CPNE5: variants seen among roughly 807,000 people sequenced by gnomAD.
CPNE5 encodes the protein copine-5.
A neutral mutation model predicts 81.1 loss-of-function variants in CPNE5; 42 were observed. The ratio of observed to expected loss-of-function variants is 0.52; its 90% CI spans 0.40 to 0.67. The LOEUF is 0.67. Ranked by LOEUF, CPNE5 falls within the 30% of genes least tolerant of loss-of-function variation. The pLI is 0.00. For synonymous variants in CPNE5, 313 were observed against 321.5 expected (o/e 0.97, Z 0.28); for missense variants, 612 against 815.5 (o/e 0.75, Z 3.04).
chr6:36,788,502 G>A (rs927596466), intron 8 of CPNE5, among the ~76,000 whole-genome samples: 6 of 152,034 alleles, frequency 3.9e-5, no homozygotes, highest in African/African-American at 1.2e-4. Context: ...GCAATCTTAG[G>A]CAGACCACTA....
At chr6:36,765,919 A>C (rs1766526492) in intron 10 of CPNE5, among the ~76,000 whole-genome samples, 1 of 152,110 alleles carries the variant, frequency 6.6e-6, no homozygotes, top group African/African-American at 2.4e-5. Flanking sequence ...CTCCTGAGTG[A>C]GGGTGTAATT....
At chr6:36,788,365 G>A (rs1768779286) in intron 8 of CPNE5, among the ~76,000 whole-genome samples, 1 of 152,120 alleles carries the variant, frequency 6.6e-6, no homozygotes, top group African/African-American at 2.4e-5. Flanking sequence ...CACCCTGCCT[G>A]CTGAGGGCAG....
chr6:36,772,735 A>G (rs551276534), intron 10 of CPNE5, among the ~76,000 whole-genome samples: 1 of 152,362 alleles, frequency 6.6e-6, no homozygotes, highest in Admixed American at 6.5e-5. Context: ...TCGGAGTGTA[A>G]CAGGGGTGCC....
At chr6:36,751,507 G>A (rs1764819172) in intron 14 of CPNE5, among the ~76,000 whole-genome samples, 1 of 152,176 alleles carries the variant, frequency 6.6e-6, no homozygotes, top group African/African-American at 2.4e-5. Context: ...TAAATAGGAT[G>A]GACTGGGTGT....
At chr6:36,764,957 T>C (rs1766418165) in intron 11 of CPNE5, among the ~76,000 whole-genome samples, 1 of 117,118 alleles carries the variant, frequency 8.5e-6, no homozygotes, top group African/African-American at 2.8e-5. Context: ...AATGTGTCCA[T>C]GAATGCTTGA....
At chr6:36,794,308 C>CA (rs1442152647) in intron 7 of CPNE5, among the ~76,000 whole-genome samples, 1 of 152,090 alleles carries the variant, frequency 6.6e-6, no homozygotes, top group Non-Finnish European at 1.5e-5. Context: ...CAACATCCCC[C>CA]ACCTGTAAGC....
chr6:36,821,208 A>C (rs769008760), intron 3 of CPNE5, among the ~76,000 whole-genome samples: 3 of 150,992 alleles, frequency 2.0e-5, no homozygotes, highest in Non-Finnish European at 4.4e-5. Flanking sequence ...AAGGAAGAGC[A>C]GGTGAAAAGG....
intron 3 of CPNE5, among the ~76,000 whole-genome samples, chr6:36,807,886 T>C (rs1770741008): frequency 6.6e-6 from 1 of 152,016 alleles, no homozygotes; most frequent in Non-Finnish European, 1.5e-5. Flanking sequence ...AAGGTTTTCT[T>C]AGAGACCTGG....
At chr6:36,807,792 G>A (rs1770730864) in intron 3 of CPNE5, among the ~76,000 whole-genome samples, 1 of 152,224 alleles carries the variant, frequency 6.6e-6, no homozygotes, top group South Asian at 2.1e-4. Context: ...TCAGGATCCA[G>A]GCCCTACTCT....
At chr6:36,782,310 T>G (rs1768099115) in intron 8 of CPNE5, among the ~76,000 whole-genome samples, 1 of 151,994 alleles carries the variant, frequency 6.6e-6, no homozygotes. Flanking sequence ...TGCATACACT[T>G]GAAACAACCA....
chr6:36,765,610 G>A (rs1766492236), intron 10 of CPNE5, among the ~76,000 whole-genome samples: 1 of 152,176 alleles, frequency 6.6e-6, no homozygotes, highest in African/African-American at 2.4e-5. Flanking sequence ...GAATTTCAAG[G>A]AGAATGTGGG....
At chr6:36,742,523 T>C in intron 20 of CPNE5, 37 bp from the exon 21 acceptor site, 1 of 1,588,834 alleles carries the variant, frequency 6.3e-7, no homozygotes, top group South Asian at 1.1e-5. Flanking sequence ...CAGTGCCTCC[T>C]GTGGGACCCT....
chr6:36,746,329 C>T lies in CPNE5; in HGVS notation c.1200+67G>A. 2 of 1,403,858 alleles carry T rather than the reference C, an allele frequency of 1.4e-6. No homozygotes were observed. Among genetic ancestry groups the T allele is most frequent in the African/African-American group, 1.5e-5 (1 of 67,504 alleles). 87.0% of individuals were successfully genotyped at this position (1,403,858 alleles called of 1,614,324 possible). ...GGCTCAGAGGAAGGGAAACGTCCCC[C>T]CACCCCCAGCTTGTCACCTCACCCC... On this transcript the variant is annotated intron_variant, in intron 16 of 20. Coordinates refer to ENST00000244751, the MANE Select transcript of CPNE5 (RefSeq NM_020939.2). This position sits in a 1 kb window ranked among gnomAD's most constrained non-coding sequence, Gnocchi z 4.5.
At position 36,788,765 on chromosome 6, in the gene CPNE5, C is replaced by T. The variant is rs758710789; in HGVS notation, c.528+3268G>A. ...ATGACTGTCAACATCAAGTACCATTCGATAGTATTTGGATCAAATTCTGAT... is the reference window on the plus strand; with the variant it reads ...ATGACTGTCAACATCAAGTACCATTTGATAGTATTTGGATCAAATTCTGAT... On this transcript the variant is annotated intron_variant, in intron 8 of 20. Transcript: ENST00000244751. 5.3e-5 allele frequency among the ~76,000 whole-genome samples: 8 copies of T among 152,142 alleles called. No homozygotes were observed. In the South Asian group the frequency reaches 8.3e-4, roughly 16 times the overall value.
At chr6:36,796,841 T>TA (rs968290330) in intron 6 of CPNE5, among the ~76,000 whole-genome samples, 1 of 152,056 alleles carries the variant, frequency 6.6e-6, no homozygotes, top group South Asian at 2.1e-4. Flanking sequence ...GCCCTGAAGT[T>TA]ATCATGAGTT....
At chr6:36,809,263 A>AGAG (rs564876655) in intron 3 of CPNE5, among the ~76,000 whole-genome samples, 1 of 152,076 alleles carries the variant, frequency 6.6e-6, no homozygotes, top group Non-Finnish European at 1.5e-5. Flanking sequence ...TGAGAGAGAG[A>AGAG]GAGGAGGAGG....
intron 1 of CPNE5, among the ~76,000 whole-genome samples, chr6:36,825,172 A>T (rs532935548): frequency 6.6e-6 from 1 of 152,172 alleles, no homozygotes; most frequent in Non-Finnish European, 1.5e-5. Context: ...ACTTGACCCC[A>T]TAATCAACCC....
intron 8 of CPNE5, among the ~76,000 whole-genome samples, chr6:36,788,175 C>G (rs1317700890): frequency 6.6e-6 from 1 of 151,710 alleles, no homozygotes; most frequent in East Asian, 1.9e-4. Context: ...GGACCACAGG[C>G]GTGCACCACC....
chr6:36,782,692 G>A (rs1212643247), intron 8 of CPNE5, among the ~76,000 whole-genome samples: 1 of 151,660 alleles, frequency 6.6e-6, no homozygotes, highest in Non-Finnish European at 1.5e-5. Context: ...TACTTGGGAA[G>A]CTGAGGCAGG....
Sources: gnomAD v4.1 joint callset for allele counts (sites outside exome capture counted in the v4.1 genomes callset) on GRCh38, gnomAD v4.1.1 for gene constraint, Gnocchi (gnomAD v3.1) non-coding constraint, MANE v1.5 for transcripts, NCBI Gene and HGNC (gene_info 2026-07-23, HGNC 2026-07-21) for gene names.